The following PLXNA2 variants were observed in gnomAD, a reference collection of about 807,000 sequenced individuals.
PLXNA2 encodes plexin-A2.
In PLXNA2, 91 loss-of-function variants were observed where a neutral mutation model predicts 193.5. The ratio of observed to expected loss-of-function variants is 0.47; its 90% CI spans 0.40 to 0.56. The LOEUF is 0.56. Among genes scored for constraint, PLXNA2 ranks in the 20% least tolerant of loss-of-function variants. The pLI, the probability that PLXNA2 is intolerant of heterozygous loss-of-function variation, is 0.00. For synonymous variants in PLXNA2, 997 were observed against 1,027.3 expected (o/e 0.97, Z 0.56); for missense variants, 1,995 against 2,503.2 (o/e 0.80, Z 4.33).
intron 1 of PLXNA2, among the ~76,000 whole-genome samples, chr1:208,238,314 C>T (rs1671934058): frequency 6.6e-6 from 1 of 152,224 alleles, no homozygotes; most frequent in African/African-American, 2.4e-5. Context: ...CTTTCACCCT[C>T]AAAGTAATTT....
chr1:208,192,305 A>G (rs1670207361), intron 3 of PLXNA2, among the ~76,000 whole-genome samples: 1 of 120,194 alleles, frequency 8.3e-6, no homozygotes, highest in African/African-American at 3.6e-5. Context: ...GGGTTTGGGG[A>G]TGGTGTGTGT....
chr1:208,083,403 C>T (rs1402053709), intron 10 of PLXNA2, among the ~76,000 whole-genome samples: 1 of 152,118 alleles, frequency 6.6e-6, no homozygotes, highest in Non-Finnish European at 1.5e-5. Flanking sequence ...CCCCACTCTT[C>T]AGCTCTGAAG....
At chr1:208,124,323 G>A (rs1452993102) in intron 4 of PLXNA2, among the ~76,000 whole-genome samples, 5 of 152,088 alleles carry the variant, frequency 3.3e-5, no homozygotes, top group African/African-American at 9.7e-5. Flanking sequence ...CCCATGACCC[G>A]AGTTTACCTA....
At chr1:208,109,149 G>A (rs1571926346) in intron 4 of PLXNA2, among the ~76,000 whole-genome samples, 1 of 152,198 alleles carries the variant, frequency 6.6e-6, no homozygotes, top group African/African-American at 2.4e-5. Context: ...GGCAGGGGTG[G>A]GAGGTGGCAC....
In PLXNA2 at chr1:208,054,448, C is replaced by A; in HGVS notation, c.2829G>T (p.Thr943=). 6.2e-7 allele frequency: 1 copy of A among 1,614,092 alleles called. No individual in the cohort carries two copies. The highest frequency in any genetic ancestry group is 1.3e-5 in the African/African-American group (1 of 75,062). Residue 943 remains threonine, a synonymous_variant, in exon 14 of 32, where the codon ACG becomes ACT. Coordinates refer to ENST00000367033, the MANE Select transcript of PLXNA2 (RefSeq NM_025179.4). ...CGAAGGTGTACTGCTGATGGGACTT[C>A]GTCATGAACTCTGGCTTACACTCGC... The part of the protein sequence containing the change: ...CIGECKPEFM[T]KSHQQYTFVN...
At chr1:208,226,385 A>C (rs1017751146) in intron 1 of PLXNA2, among the ~76,000 whole-genome samples, 3 of 151,760 alleles carry the variant, frequency 2.0e-5, no homozygotes, top group African/African-American at 7.3e-5. Flanking sequence ...GCTCTGATCG[A>C]GCCCTGGAAA....
chr1:208,196,430 TAC>T (rs766980011), intron 3 of PLXNA2, among the ~76,000 whole-genome samples: 36 of 152,356 alleles, frequency 2.4e-4, no homozygotes, highest in Non-Finnish European at 4.4e-4. Context: ...AGCATGCACT[TAC>T]ACAGAGTGGG....
chr1:208,193,074 A>G (rs1283776887), intron 3 of PLXNA2, among the ~76,000 whole-genome samples: 1 of 152,160 alleles, frequency 6.6e-6, no homozygotes, highest in Admixed American at 6.5e-5. Context: ...ACATAGATGA[A>G]AACTCTGTGC....
intron 3 of PLXNA2, among the ~76,000 whole-genome samples, chr1:208,187,959 T>C (rs1272896523): frequency 6.6e-6 from 1 of 152,168 alleles, no homozygotes; most frequent in African/African-American, 2.4e-5. Flanking sequence ...ATTTTAGGGA[T>C]AAGAGAACTG....
intron 12 of PLXNA2, among the ~76,000 whole-genome samples, chr1:208,066,034 A>ATGTG (rs372632260): frequency 2.0e-5 from 3 of 149,972 alleles, no homozygotes; most frequent in Non-Finnish European, 4.5e-5. Context: ...TGGGGGGTGT[A>ATGTG]TGTGTGTGTG....
chr1:208,165,880 T>C (rs923237876), intron 3 of PLXNA2, among the ~76,000 whole-genome samples: 52 of 152,278 alleles, frequency 3.4e-4, no homozygotes, highest in Middle Eastern at 3.4e-3. Flanking sequence ...ACAACTCCCA[T>C]TGGCAAGCTG....
At chr1:208,196,797 C>G (rs531221715) in intron 3 of PLXNA2, among the ~76,000 whole-genome samples, 289 of 152,178 alleles carry the variant, frequency 1.9e-3, no homozygotes, top group South Asian at 3.5e-3. Context: ...TGTGTGTTGT[C>G]CCTGAGAATG....
At chr1:208,040,738 A>G (rs143064393) in intron 22 of PLXNA2, among the ~76,000 whole-genome samples, 229 of 152,372 alleles carry the variant, frequency 1.5e-3, no homozygotes, top group African/African-American at 5.1e-3. Context: ...AGCACTATCC[A>G]TTAGCTGTCA....
Position 208,029,054 on chromosome 1 carries a change from G to C in PLXNA2, c.5226-12C>G. 1.2e-6 allele frequency: 2 copies of C among 1,614,014 alleles called. No homozygotes were observed. The highest frequency in any genetic ancestry group is 1.7e-6 in the Non-Finnish European group (2 of 1,179,924). On this transcript the variant is annotated splice_polypyrimidine_tract_variant and intron_variant, in intron 29 of 31. Transcript: ENST00000367033. ...AGCGCAGAGGGAGGCTGTGGGGAAA[G>C]GCAGAGAAGACTTGAGAATGCATGC...
At chr1:208,166,280 G>C (rs1322984370) in intron 3 of PLXNA2, among the ~76,000 whole-genome samples, 1 of 152,186 alleles carries the variant, frequency 6.6e-6, no homozygotes, top group Non-Finnish European at 1.5e-5. Context: ...TTAGGTGACT[G>C]TCCTAAGAGC....
At chr1:208,060,470 C>T (rs1026562249) in intron 13 of PLXNA2, among the ~76,000 whole-genome samples, 1 of 152,062 alleles carries the variant, frequency 6.6e-6, no homozygotes, top group Non-Finnish European at 1.5e-5. Context: ...GCCCTGATGC[C>T]AGAAGAGTCA....
intron 3 of PLXNA2, among the ~76,000 whole-genome samples, chr1:208,156,528 G>A (rs1210718388): frequency 1.3e-5 from 2 of 152,152 alleles, no homozygotes; most frequent in African/African-American, 4.8e-5. Context: ...TTAAGTGACT[G>A]CCTTAGGCCA....
At chr1:208,147,083 C>T (rs958091590) in intron 3 of PLXNA2, among the ~76,000 whole-genome samples, 13 of 152,244 alleles carry the variant, frequency 8.5e-5, no homozygotes, top group African/African-American at 2.2e-4. Flanking sequence ...AGTGCAGTGG[C>T]GCAATCACAG....
rs575008906 is a variant in PLXNA2, at chr1:208,243,150, G to C, written c.-81+493C>G. Reference sequence around the variant, plus strand: ...TTCCCCTGATCTCCAGTCCCCGATCGGAAGGGAGAGCCGGCGGCCACCAGG... The same window carrying C: ...TTCCCCTGATCTCCAGTCCCCGATCCGAAGGGAGAGCCGGCGGCCACCAGG... On this transcript the variant is annotated intron_variant, in intron 1 of 31. Coordinates refer to ENST00000367033, the MANE Select transcript of PLXNA2 (RefSeq NM_025179.4). Among the ~76,000 whole-genome samples, 12 of 152,264 alleles carry C rather than the reference G, an allele frequency of 7.9e-5. No homozygotes were observed. The South Asian group carries it at 2.5e-3, about 32-fold the overall frequency.
Sources: allele counts gnomAD v4.1 joint callset (sites outside exome capture counted in the v4.1 genomes callset), GRCh38; gene constraint gnomAD v4.1.1; transcripts MANE v1.5; gene names NCBI Gene and HGNC (gene_info 2026-07-23, HGNC 2026-07-21).